SLC25A48: variants seen among roughly 807,000 people sequenced by gnomAD.
SLC25A48 encodes solute carrier family 25 member 48.
A neutral mutation model predicts 32.2 loss-of-function variants in SLC25A48; 29 were observed. The ratio of observed to expected loss-of-function variants is 0.90; its 90% CI spans 0.67 to 1.23. SLC25A48 has a LOEUF of 1.23. Among genes scored for constraint, SLC25A48 ranks in the 50% most tolerant of loss-of-function variants. SLC25A48 has a pLI of 0.00. For missense variants in SLC25A48, 399 were observed against 422.7 expected (o/e 0.94, Z 0.49); for synonymous variants, 164 against 172.3 (o/e 0.95, Z 0.38).
At chr5:135,837,084 T>C (rs1304859631) in intron 1 of SLC25A48, among the ~76,000 whole-genome samples, 3 of 150,342 alleles carry the variant, frequency 2.0e-5, no homozygotes, top group African/African-American at 4.9e-5. Context: ...TCAAATCCCC[T>C]GCTTTCAGAT....
intron 3 of SLC25A48, among the ~76,000 whole-genome samples, chr5:135,688,862 A>T (rs570515483): frequency 1.1e-3 from 169 of 152,360 alleles, no homozygotes; most frequent in African/African-American, 4.0e-3. Flanking sequence ...ATGGGAGCCA[A>T]TGGGACCATG....
intron 1 of SLC25A48, among the ~76,000 whole-genome samples, chr5:135,840,663 A>C (rs778773929): frequency 3.3e-5 from 5 of 152,204 alleles, no homozygotes; most frequent in African/African-American, 4.8e-5. Context: ...AGAGTCACAC[A>C]ATACCTTGCC....
At chr5:135,638,310 T>C (rs1752753013) in intron 3 of SLC25A48, among the ~76,000 whole-genome samples, 1 of 152,224 alleles carries the variant, frequency 6.6e-6, no homozygotes, top group Non-Finnish European at 1.5e-5. Context: ...CTGTATTTTC[T>C]TGCAGAACAC....
In SLC25A48 at chr5:135,798,990, C is replaced by G. The variant is rs569527627; in HGVS notation, c.-520-13533C>G. Among the ~76,000 whole-genome samples, 4 of 151,724 alleles carry G rather than the reference C, an allele frequency of 2.6e-5. No individual in the cohort carries two copies. The South Asian group carries it at 8.3e-4, about 32-fold the overall frequency. On this transcript the variant is annotated intron_variant, in intron 3 of 10. Coordinates refer to the SLC25A48 transcript ENST00000646290. ...GAGAGGAAGATACAACTTCCATTAT[C>G]GCAGAGGGTGTACACTTCGCCTGTG...
At position 135,865,941 on chromosome 5, in the gene SLC25A48, A is replaced by G. The variant is rs180911635; in HGVS notation, c.422-5520A>G. Among the ~76,000 whole-genome samples, 42 of 152,364 alleles carry G rather than the reference A, an allele frequency of 2.8e-4. No individual in the cohort carries two copies. In the South Asian group the frequency reaches 4.1e-3, roughly 15 times the overall value. The stretch of plus-strand genomic sequence containing the variant: ...TTGTGTTACCTGTGATAGTACCCAC[A>G]CATATGAGAAAAATGGGCACATATG... On this transcript the variant is annotated intron_variant, in intron 4 of 7. Coordinates refer to ENST00000681962, the MANE Select transcript of SLC25A48 (RefSeq NM_001349336.2).
At chr5:135,614,734 C>G (rs538588302) in intron 1 of SLC25A48, among the ~76,000 whole-genome samples, 1 of 152,176 alleles carries the variant, frequency 6.6e-6, no homozygotes, top group Non-Finnish European at 1.5e-5. Context: ...GGGATAAATC[C>G]CACTTGATCA....
At chr5:135,659,547 C>G (rs1016626997) in intron 3 of SLC25A48, among the ~76,000 whole-genome samples, 1 of 152,224 alleles carries the variant, frequency 6.6e-6, no homozygotes, top group African/African-American at 2.4e-5. Context: ...TATCCAGTTC[C>G]AAAGTTGCTT....
intron 6 of SLC25A48, chr5:135,874,923 G>A (rs1277888819): frequency 2.3e-6 from 1 of 442,482 alleles, no homozygotes; most frequent in East Asian, 3.6e-5. Context: ...AAAGTCAGAT[G>A]TAGCTACTGT....
intron 3 of SLC25A48, among the ~76,000 whole-genome samples, chr5:135,691,454 G>A (rs941194540): frequency 1.1e-4 from 17 of 152,174 alleles, no homozygotes; most frequent in African/African-American, 4.1e-4. Context: ...GCAGCTTGGT[G>A]TTGCTCTACA....
At chr5:135,735,659 C>T (rs755272054) in intron 3 of SLC25A48, among the ~76,000 whole-genome samples, 1 of 152,136 alleles carries the variant, frequency 6.6e-6, no homozygotes, top group South Asian at 2.1e-4. Context: ...CTAATGCCTT[C>T]CTGGAGGTCT....
intron 3 of SLC25A48, among the ~76,000 whole-genome samples, chr5:135,766,529 G>A (rs1042729293): frequency 6.6e-6 from 1 of 151,296 alleles, no homozygotes; most frequent in East Asian, 2.0e-4. Context: ...ATATCGTGGG[G>A]GGTGTACACA....
Position 135,780,712 on chromosome 5 carries a change from G to T in SLC25A48, c.-520-31811G>T, listed in dbSNP as rs1262562991. ...CGGTGTTATTTTTCCTTATATCCAG[G>T]GTTGGGAGAGGATGATATTATACCC... On this transcript the variant is annotated intron_variant, in intron 3 of 10. Transcript: ENST00000646290. Among the ~76,000 whole-genome samples, 2 of 116,112 alleles carry T rather than the reference G, an allele frequency of 1.7e-5. 1 individual carries two copies. The allele number at this position is 116,112 out of a possible 152,430, so 76.2% of individuals were successfully genotyped here. A position where few individuals can be genotyped will look rare whatever the true frequency, so the allele number is the denominator to read the frequency against.
intron 4 of SLC25A48, among the ~76,000 whole-genome samples, chr5:135,865,885 T>C (rs925890691): frequency 1.3e-5 from 2 of 152,220 alleles, no homozygotes; most frequent in South Asian, 2.1e-4. Context: ...GAAGCTACTA[T>C]GGATTACTAA....
chr5:135,790,910 T>C (rs1757010836), intron 3 of SLC25A48, among the ~76,000 whole-genome samples: 2 of 151,636 alleles, frequency 1.3e-5, no homozygotes, highest in South Asian at 4.2e-4. Context: ...AATGTCACAG[T>C]TGGTGTTCGG....
chr5:135,596,140 A>G (rs1751644551), intron 1 of SLC25A48, among the ~76,000 whole-genome samples: 1 of 152,242 alleles, frequency 6.6e-6, no homozygotes, highest in South Asian at 2.1e-4. Flanking sequence ...AACTTTATCT[A>G]TTTTTGTGTG....
At chr5:135,864,860 A>G (rs1761069659) in intron 4 of SLC25A48, among the ~76,000 whole-genome samples, 1 of 152,234 alleles carries the variant, frequency 6.6e-6, no homozygotes, top group African/African-American at 2.4e-5. Context: ...TGGACTTAAC[A>G]CCAGTATTGG....
At chr5:135,701,455 G>T (rs1754394522) in intron 3 of SLC25A48, among the ~76,000 whole-genome samples, 1 of 152,160 alleles carries the variant, frequency 6.6e-6, no homozygotes, top group Admixed American at 6.5e-5. Context: ...GCAGTATTTT[G>T]AGGAACATAA....
At chr5:135,783,002 C>A (rs1262190477) in intron 3 of SLC25A48, among the ~76,000 whole-genome samples, 1 of 113,494 alleles carries the variant, frequency 8.8e-6, no homozygotes, top group Non-Finnish European at 2.2e-5. Flanking sequence ...GATATTATTT[C>A]CAATATCACA....
chr5:135,817,636 G>A (rs1183000232), intron 4 of SLC25A48, among the ~76,000 whole-genome samples: 1 of 152,116 alleles, frequency 6.6e-6, no homozygotes, highest in African/African-American at 2.4e-5. Flanking sequence ...AGATTTCTTA[G>A]ATAGCATACA....
Sources: gnomAD v4.1 joint callset for allele counts (sites outside exome capture counted in the v4.1 genomes callset) on GRCh38, gnomAD v4.1.1 for gene constraint, MANE v1.5 for transcripts, NCBI Gene and HGNC (gene_info 2026-07-23, HGNC 2026-07-21) for gene names.